The following DGKK variants were observed in gnomAD, a reference collection of about 807,000 sequenced individuals.
The protein encoded by DGKK is diacylglycerol kinase kappa, also known as 142 kDa diacylglycerol kinase.
A neutral mutation model predicts 92.2 loss-of-function variants in DGKK; 35 were observed. The ratio of observed to expected loss-of-function variants is 0.38; its 90% confidence interval spans 0.29 to 0.50. DGKK has a LOEUF of 0.50. DGKK is among the 20% of genes least tolerant of loss of function. The pLI is 0.92. For synonymous variants in DGKK, 368 were observed against 360.6 expected (o/e 1.02, Z -0.23); for missense variants, 910 against 992.2 (o/e 0.92, Z 1.11).
Position 50,366,885 on chromosome X carries a change from C to T in DGKK, c.*2055G>A, listed in dbSNP as rs1285850948. ...AAGTCAAAGACACAACAACAGCACA[C>T]TCACTACTCAAATATGTACAACAAG... is the stretch of plus-strand genomic sequence containing the variant. On this transcript the variant is annotated 3_prime_UTR_variant, in exon 28 of 28. Transcript: ENST00000611977. The T allele has an allele frequency of 8.9e-6, 1 of 112,565 alleles. No homozygotes were observed. Among genetic ancestry groups the T allele is most frequent in the African/African-American group, 3.2e-5 (1 of 30,968 alleles). The allele number at this position is 112,565 out of a possible 1,213,427, so 9.3% of individuals were successfully genotyped here. A position where few individuals can be genotyped will look rare whatever the true frequency, so the allele number is the denominator to read the frequency against.
In DGKK at chrX:50,368,782, G is replaced by A. The variant is rs782499725; in HGVS notation, c.*158C>T. 4 of 455,987 alleles carry A rather than the reference G, an allele frequency of 8.8e-6. No individual in the cohort carries two copies. The highest frequency in any genetic ancestry group is 1.1e-5 in the Non-Finnish European group (3 of 271,960). 37.6% of individuals were successfully genotyped at this position (455,987 alleles called of 1,213,427 possible). A position where few individuals can be genotyped will look rare whatever the true frequency, so the allele number is the denominator to read the frequency against. ...GAAATGTAAACCTCTAAGGAGACCA[G>A]ATTAAGTCCAGGAAAATGCATTAGT... On this transcript the variant is annotated 3_prime_UTR_variant, in exon 28 of 28. Transcript: ENST00000611977.
Position 50,403,103 on chromosome X carries a change from A to G in DGKK, c.1266T>C (p.Tyr422=). 8.3e-7 allele frequency: 1 copy of G among 1,210,516 alleles called. No homozygotes were observed. The highest frequency in any genetic ancestry group is 1.1e-6 in the Non-Finnish European group (1 of 894,905). The change falls in exon 7 of 28, where the codon TAT becomes TAC. Residue 422 remains tyrosine, a synonymous_variant. Coordinates refer to ENST00000611977, the MANE Select transcript of DGKK (RefSeq NM_001013742.4). ...CAVCHESCGS[Y]QRLQDFRCLW... is the part of the protein sequence containing the mutation. Reference sequence around the variant, plus strand: ...GGCAGCGGAAGTCTTGAAGTCTTTGATAACTGCCACAGCTCTCATGACACA... The same window carrying G: ...GGCAGCGGAAGTCTTGAAGTCTTTGGTAACTGCCACAGCTCTCATGACACA...
chrX:50,447,699 T>C (rs1202549029), intron 1 of DGKK, among the ~76,000 whole-genome samples: 1 of 106,841 alleles, frequency 9.4e-6, no homozygotes, highest in African/African-American at 3.4e-5. Context: ...GTTGTACCAA[T>C]ATTTAACCAA....
chrX:50,398,108 C>T (rs1398701892), intron 8 of DGKK, among the ~76,000 whole-genome samples: 2 of 111,491 alleles, frequency 1.8e-5, no homozygotes, highest in Non-Finnish European at 3.8e-5. Flanking sequence ...TAAATATATA[C>T]GTGAACAGAT....
rs782082966 is a variant in DGKK, at chrX:50,470,619, G to A, written c.60C>T (p.Pro20=). The A allele has an allele frequency of 2.6e-6, 3 of 1,169,870 alleles. No individual in the cohort carries two copies. The African/African-American group carries it at 5.3e-5, about 21-fold the overall frequency. ...GCGGCGGAGGCTCTGGAGACTCAGC[G>A]GGCTGCTCTCCATCCTGAGGCGGGG... The part of the protein sequence containing the change: ...GTAPPQDGEQ[P]AESPEPPPPW... Residue 20 remains proline (P), a synonymous_variant, in exon 1 of 28, where the codon CCC becomes CCT. Coordinates refer to ENST00000611977, the MANE Select transcript of DGKK (RefSeq NM_001013742.4).
rs782127700 is a variant in DGKK, at chrX:50,420,652, C to T, written c.838-145G>A. The T allele has an allele frequency of 8.9e-6, 4 of 449,775 alleles. No individual in the cohort carries two copies. In the South Asian group the frequency reaches 1.9e-4, roughly 21 times the overall value. 37.1% of individuals were successfully genotyped at this position (449,775 alleles called of 1,213,427 possible). A position where few individuals can be genotyped will look rare whatever the true frequency, so the allele number is the denominator to read the frequency against. On this transcript the variant is annotated intron_variant, in intron 3 of 27. Coordinates refer to ENST00000611977, the MANE Select transcript of DGKK (RefSeq NM_001013742.4). ...AATATAAGACAGACATTCCCAGAAC[C>T]ACTCGTAGCTCCTTAGTTACCCATC...
In DGKK at chrX:50,466,017, CTTTTTTTTT is replaced by C. The variant is rs72090197; in HGVS notation, c.645+4008_645+4016del. On this transcript the variant is annotated intron_variant, in intron 1 of 27. Coordinates refer to ENST00000611977, the MANE Select transcript of DGKK (RefSeq NM_001013742.4). ...GGATATTTTTTTCTTTTTCTTTTTTCTTTTTTTTTTTTTTTTTTTTTTTTGCCTTTCCTT... is the reference window on the plus strand; with the variant it reads ...GGATATTTTTTTCTTTTTCTTTTTTCTTTTTTTTTTTTTTTGCCTTTCCTT... 2.8e-3 allele frequency among the ~76,000 whole-genome samples: 121 copies of C among 42,808 alleles called. 1 individual carries two copies. The highest frequency in any genetic ancestry group is 9.6e-3 in the African/African-American group (100 of 10,372). The allele number at this position is 42,808 out of a possible 115,157, so 37.2% of individuals were successfully genotyped here.
chrX:50,420,577 T>C, intron 3 of DGKK, 70 bp from the exon 4 acceptor site: 1 of 953,790 alleles, frequency 1.0e-6, no homozygotes, highest in Non-Finnish European at 1.5e-6. Flanking sequence ...GTCTGTGAAC[T>C]CTCTAAGAAA....
At chrX:50,392,515 T>C (rs1924726146) in intron 9 of DGKK, 66 bp from the exon 10 acceptor site, 4 of 895,649 alleles carry the variant, frequency 4.5e-6, no homozygotes, top group East Asian at 6.3e-5. Flanking sequence ...TTTCCTACAA[T>C]GTGTCAGGAC....
At chrX:50,406,940 C>G (rs1925168724) in intron 4 of DGKK, among the ~76,000 whole-genome samples, 1 of 111,496 alleles carries the variant, frequency 9.0e-6, no homozygotes, top group Non-Finnish European at 1.9e-5. Flanking sequence ...AATGGGTAGA[C>G]TAGAAGAATT....
chrX:50,367,855 C>T lies in DGKK; in HGVS notation c.*1085G>A, dbSNP rs1314191118. On this transcript the variant is annotated 3_prime_UTR_variant, in exon 28 of 28. Transcript: ENST00000611977. ...CAGAATTTTAAGGGGGCGTCAGAATCAGCTGGGCCATAGATCCCAGCCACC... is the reference window on the plus strand; with the variant it reads ...CAGAATTTTAAGGGGGCGTCAGAATTAGCTGGGCCATAGATCCCAGCCACC... The T allele has an allele frequency of 2.7e-5, 3 of 110,135 alleles. No homozygotes were observed. The highest frequency in any genetic ancestry group is 5.7e-5 in the Non-Finnish European group (3 of 52,775). The allele number at this position is 110,135 out of a possible 1,213,427, so 9.1% of individuals were successfully genotyped here. A position where few individuals can be genotyped will look rare whatever the true frequency, so the allele number is the denominator to read the frequency against.
At chrX:50,444,363 T>G (rs184225560) in intron 1 of DGKK, among the ~76,000 whole-genome samples, 1 of 111,181 alleles carries the variant, frequency 9.0e-6, no homozygotes, top group Admixed American at 9.5e-5. Flanking sequence ...TCACAGGGGT[T>G]TGTTGTACAG....
intron 11 of DGKK, among the ~76,000 whole-genome samples, chrX:50,391,006 A>C (rs782090181): frequency 2.7e-4 from 30 of 111,916 alleles, no homozygotes; most frequent in Non-Finnish European, 5.1e-4. Flanking sequence ...GCTTAAACAG[A>C]TCATTGGCTC....
chrX:50,416,954 A>G lies in DGKK; in HGVS notation c.942+3449T>C, dbSNP rs183521757. 2.7e-5 allele frequency among the ~76,000 whole-genome samples: 3 copies of G among 110,353 alleles called. No individual in the cohort carries two copies. In the Admixed American group the frequency reaches 2.9e-4, roughly 11 times the overall value. ...CGATATCCTCCTGAGAACTTAGATT[A>G]AAAATGAAAAGAACTAAGATATTAA... On this transcript the variant is annotated intron_variant, in intron 4 of 27. Transcript: ENST00000611977.
intron 5 of DGKK, 142 bp downstream of exon 5, chrX:50,403,907 C>T: frequency 1.4e-6 from 1 of 722,906 alleles, no homozygotes; most frequent in Non-Finnish European, 2.0e-6. Flanking sequence ...TTAGTTTCCT[C>T]CCTTTTTCTT....
chrX:50,429,684 G>A (rs1326453543), intron 1 of DGKK, among the ~76,000 whole-genome samples: 2 of 112,419 alleles, frequency 1.8e-5, no homozygotes, highest in Admixed American at 1.9e-4. Context: ...GCAAGACTCC[G>A]TCACACACAC....
At chrX:50,406,188 T>G (rs1557227259) in intron 4 of DGKK, among the ~76,000 whole-genome samples, 1 of 112,038 alleles carries the variant, frequency 8.9e-6, no homozygotes, top group South Asian at 3.7e-4. Context: ...TCTGCCTGGG[T>G]ATAATATTAA....
At chrX:50,427,577 TTAA>T (rs75113899) in intron 1 of DGKK, among the ~76,000 whole-genome samples, 28,224 of 97,821 alleles carry the variant, frequency 0.29, 3,645 homozygotes, top group Admixed American at 0.37. Context: ...ATGCAAGACG[TTAA>T]TAATAATAAT....
intron 1 of DGKK, among the ~76,000 whole-genome samples, chrX:50,441,615 C>T (rs1178933975): frequency 4.5e-5 from 5 of 111,765 alleles, no homozygotes; most frequent in African/African-American, 9.7e-5. Context: ...GTCCTTTCAA[C>T]GTCCCACAAA....
Sources: gnomAD v4.1 joint callset for allele counts (sites outside exome capture counted in the v4.1 genomes callset) on GRCh38, gnomAD v4.1.1 for gene constraint, MANE v1.5 for transcripts, NCBI Gene and HGNC (gene_info 2026-07-23, HGNC 2026-07-21) for gene names.